The following GDA variants were observed in gnomAD, a reference collection of about 807,000 sequenced individuals.
GDA encodes cytoplasmic PSD-95 interactor.
A neutral mutation model predicts 59.6 loss-of-function variants in GDA; 18 were observed. The observed-to-expected ratio is 0.30, with a 90% CI of 0.21 to 0.45. GDA has a LOEUF of 0.45. Ranked by LOEUF, GDA falls within the 20% of genes least tolerant of loss-of-function variation. The probability of loss-of-function intolerance (pLI) is 1.00; values close to 1 mark genes in which losing one functional copy is unlikely to be tolerated. For missense variants in GDA, 427 were observed against 552.3 expected (o/e 0.77, Z 2.27); for synonymous variants, 201 against 201.1 (o/e 1.00, Z 0.00).
chr9:72,246,216 C>A (rs1840122163), intron 12 of GDA, among the ~76,000 whole-genome samples: 2 of 152,292 alleles, frequency 1.3e-5, no homozygotes, highest in South Asian at 2.1e-4. Flanking sequence ...GGCATGATCT[C>A]AGCTCACTGC....
intron 5 of GDA, among the ~76,000 whole-genome samples, chr9:72,214,301 C>T (rs916587459): frequency 3.4e-5 from 5 of 148,400 alleles, no homozygotes; most frequent in East Asian, 1.9e-4. Flanking sequence ...TTTTTTGAGA[C>T]GGAGTCTCAC....
At chr9:72,258,002 G>A (rs1463433429), downstream of GDA, among the ~76,000 whole-genome samples, 1 of 151,824 alleles carries the variant, frequency 6.6e-6, no homozygotes, top group African/African-American at 2.4e-5. Flanking sequence ...CTAAGAGAGG[G>A]AGATGTTGTT....
Position 72,128,971 on chromosome 9 carries a change from CT to C in GDA, c.-100+14149del, listed in dbSNP as rs200662642. 8.1e-4 allele frequency among the ~76,000 whole-genome samples: 118 copies of C among 146,286 alleles called. 2 individuals are homozygous for C. The highest frequency in any genetic ancestry group is 7.1e-3 in the South Asian group (33 of 4,666). On this transcript the variant is annotated intron_variant, in intron 1 of 13. Coordinates refer to the GDA transcript ENST00000545168. Reference sequence around the variant, plus strand: ...ATTACTCCAATTTTTTCTTTCTTTTCTTTTTTTTTTTGACAGAGTTTCGCTG... The same window carrying C: ...ATTACTCCAATTTTTTCTTTCTTTTCTTTTTTTTTTGACAGAGTTTCGCTG...
chr9:72,116,114 A>G (rs1825429374), intron 1 of GDA, among the ~76,000 whole-genome samples: 1 of 151,936 alleles, frequency 6.6e-6, no homozygotes, highest in Admixed American at 6.6e-5. Context: ...CATGCCTGTA[A>G]TCCCAGCTAC....
At chr9:72,137,206 TA>T (rs11343974) in intron 1 of GDA, among the ~76,000 whole-genome samples, 7,928 of 57,908 alleles carry the variant, frequency 0.14, 223 homozygotes, top group Middle Eastern at 0.21. Flanking sequence ...ATAAATAAAT[TA>T]AAAAAAAAAA....
intron 8 of GDA, among the ~76,000 whole-genome samples, chr9:72,227,501 G>C (rs1048630252): frequency 5.3e-5 from 8 of 152,172 alleles, no homozygotes; most frequent in African/African-American, 1.9e-4. Context: ...ATACTGAGAA[G>C]GGACTTTTAG....
rs1253777729 is a variant in GDA at position 72,250,717 on chromosome 9, C to A, written c.*2375C>A. On this transcript the variant is annotated 3_prime_UTR_variant, in exon 14 of 14. Transcript: ENST00000358399. ...ACTTTTCCAAGCCAATCTTATTTGT[C>A]ACTTTTTGTTTTAATATCTTGCTCT... 1 of 1,611,654 alleles carries A rather than the reference C, an allele frequency of 6.2e-7. No individual in the cohort carries two copies. Among genetic ancestry groups the A allele is most frequent in the East Asian group, 2.2e-5 (1 of 44,840 alleles).
chr9:72,214,156 G>A (rs1835785453), intron 5 of GDA, among the ~76,000 whole-genome samples, 165 bp downstream of exon 5: 1 of 152,202 alleles, frequency 6.6e-6, no homozygotes, highest in African/African-American at 2.4e-5. Flanking sequence ...TTAGTCTACA[G>A]TGAATTTGAT....
rs142300967 is a variant in GDA at position 72,142,434 on chromosome 9, G to A, written c.-100+27601G>A. ...ATCGAGACCATCCTGTTAGCCAGGTGTGGTGGTGGGAACCTGTAGTCCCAG... is the reference window on the plus strand; with the variant it reads ...ATCGAGACCATCCTGTTAGCCAGGTATGGTGGTGGGAACCTGTAGTCCCAG... On this transcript the variant is annotated intron_variant, in intron 1 of 13. Transcript: ENST00000545168. Among the ~76,000 whole-genome samples the A allele has an allele frequency of 2.1e-3, 317 of 151,964 alleles. 1 individual carries two copies. The highest frequency in any genetic ancestry group is 0.014 in the Middle Eastern group (4 of 294).
intron 1 of GDA, among the ~76,000 whole-genome samples, chr9:72,134,398 G>T (rs1009884403): frequency 1.0e-5 from 1 of 97,848 alleles, no homozygotes; most frequent in Non-Finnish European, 2.6e-5. Flanking sequence ...GGCCTCCCCC[G>T]CCAACTTTTT....
chr9:72,202,526 A>T (rs1834126321), intron 2 of GDA, 45 bp from the exon 3 acceptor site: 2 of 1,259,444 alleles, frequency 1.6e-6, no homozygotes. Context: ...ATGGGAAATG[A>T]CTGAAGATAT....
At chr9:72,233,710 G>A (rs1297735609) in intron 10 of GDA, among the ~76,000 whole-genome samples, 2 of 152,132 alleles carry the variant, frequency 1.3e-5, no homozygotes, top group Non-Finnish European at 2.9e-5. Flanking sequence ...GGAAGGCCAC[G>A]GCAGGAGGAT....
At chr9:72,132,273 C>T (rs1318521837) in intron 1 of GDA, among the ~76,000 whole-genome samples, 4 of 152,088 alleles carry the variant, frequency 2.6e-5, no homozygotes, top group East Asian at 1.9e-4. Context: ...TGCCCAACCA[C>T]GGTGGGGTGC....
At chr9:72,153,930 T>A (rs1259244380) in intron 1 of GDA, among the ~76,000 whole-genome samples, 2 of 150,788 alleles carry the variant, frequency 1.3e-5, no homozygotes, top group Non-Finnish European at 2.9e-5. Flanking sequence ...AACCTGCACA[T>A]TGTGCACATG....
chr9:72,167,189 C>T (rs1228980437), intron 1 of GDA, among the ~76,000 whole-genome samples: 1 of 152,116 alleles, frequency 6.6e-6, no homozygotes, highest in Non-Finnish European at 1.5e-5. Context: ...TGAAACTAAC[C>T]AGATATTGCA....
intron 4 of GDA, among the ~76,000 whole-genome samples, chr9:72,211,778 G>T (rs1408055537): frequency 6.6e-6 from 1 of 152,216 alleles, no homozygotes; most frequent in Non-Finnish European, 1.5e-5. Context: ...AGGGACCACA[G>T]TAGTTTAACT....
chr9:72,194,122 T>C (rs1218607221), intron 1 of GDA: 1 of 152,228 alleles, frequency 6.6e-6, no homozygotes, highest in Non-Finnish European at 1.5e-5. Context: ...GCCTGCTTGA[T>C]GTTTTATTCT....
intron 5 of GDA, among the ~76,000 whole-genome samples, chr9:72,217,188 T>C (rs1836242125): frequency 6.6e-6 from 1 of 152,242 alleles, no homozygotes; most frequent in Non-Finnish European, 1.5e-5. Context: ...ATTGTGTTCA[T>C]GTACATTTGT....
chr9:72,120,369 T>G (rs1395571979), intron 1 of GDA, among the ~76,000 whole-genome samples: 1 of 152,110 alleles, frequency 6.6e-6, no homozygotes, highest in African/African-American at 2.4e-5. Flanking sequence ...TTAAAAAATA[T>G]TTTTAGCAGA....
Sources: gnomAD v4.1 joint callset for allele counts (sites outside exome capture counted in the v4.1 genomes callset) on GRCh38, gnomAD v4.1.1 for gene constraint, MANE v1.5 for transcripts, NCBI Gene and HGNC (gene_info 2026-07-23, HGNC 2026-07-21) for gene names.